GPC5: variants seen among roughly 807,000 people sequenced by gnomAD.
GPC5 encodes the protein glypican 5.
In GPC5, 47 loss-of-function variants were observed where a neutral mutation model predicts 53.9. That is an observed-to-expected ratio of 0.87 (90% confidence interval 0.69 to 1.11). The LOEUF (loss-of-function observed/expected upper bound fraction) is 1.11, where lower values mean the gene tolerates loss of function less well. Among genes scored for constraint, GPC5 ranks in the 50% most tolerant of loss-of-function variants. The pLI, the probability that GPC5 is intolerant of heterozygous loss-of-function variation, is 0.00. For synonymous variants in GPC5, 286 were observed against 263.3 expected (o/e 1.09, Z -0.84); for missense variants, 748 against 713.1 (o/e 1.05, Z -0.56).
At chr13:92,799,486 A>G (rs2138785236) in intron 7 of GPC5, among the ~76,000 whole-genome samples, 1 of 151,940 alleles carries the variant, frequency 6.6e-6, no homozygotes, top group East Asian at 1.9e-4. Context: ...TGCATGTGGC[A>G]TCTGAAAATT....
intron 7 of GPC5, among the ~76,000 whole-genome samples, chr13:92,352,620 A>G (rs2043488596): frequency 6.6e-6 from 1 of 152,188 alleles, no homozygotes; most frequent in Non-Finnish European, 1.5e-5. Context: ...AACATTACTG[A>G]TCATGAAGAT....
chr13:91,860,945 T>C lies in GPC5; in HGVS notation c.1281-46992T>C, dbSNP rs2039021141. Among the ~76,000 whole-genome samples, 3 of 152,230 alleles carry C rather than the reference T, an allele frequency of 2.0e-5. No homozygotes were observed. In the South Asian group the frequency reaches 6.2e-4, roughly 32 times the overall value. ...ACTGTTTTCCTTGATTATTTTATAT[T>C]TTTTCTAAATTATCTTTTGATTTCT... On this transcript the variant is annotated intron_variant, in intron 5 of 7. Transcript: ENST00000377067.
At chr13:92,847,424 T>C (rs945357351) in intron 7 of GPC5, among the ~76,000 whole-genome samples, 1 of 152,070 alleles carries the variant, frequency 6.6e-6, no homozygotes, top group Admixed American at 6.6e-5. Context: ...TGAGAAGTGA[T>C]TACATCATGG....
At chr13:92,718,544 G>T (rs904713736) in intron 7 of GPC5, among the ~76,000 whole-genome samples, 2 of 152,028 alleles carry the variant, frequency 1.3e-5, no homozygotes, top group African/African-American at 4.8e-5. Context: ...TGGTTATCAG[G>T]GGCTGGGAAG....
At chr13:91,947,937 G>T (rs1433564666) in intron 6 of GPC5, among the ~76,000 whole-genome samples, 2 of 152,186 alleles carry the variant, frequency 1.3e-5, no homozygotes, top group East Asian at 1.9e-4. Context: ...GGATCACGAG[G>T]TCGGGAGATT....
intron 3 of GPC5, among the ~76,000 whole-genome samples, chr13:91,698,040 T>C (rs2035919210): frequency 6.6e-6 from 1 of 152,022 alleles, no homozygotes; most frequent in South Asian, 2.1e-4. Flanking sequence ...TAGCTGGAAT[T>C]ACAGGCATGC....
At chr13:91,731,754 T>A (rs541505981) in intron 4 of GPC5, among the ~76,000 whole-genome samples, 16 of 152,298 alleles carry the variant, frequency 1.1e-4, no homozygotes, top group Admixed American at 1.0e-3. Context: ...ATTATTCAGT[T>A]CCCACTTAGG....
chr13:91,705,857 CTTTTTTCTTT>C (rs889350870), intron 3 of GPC5, among the ~76,000 whole-genome samples: 1 of 150,092 alleles, frequency 6.7e-6, no homozygotes, highest in Non-Finnish European at 1.5e-5. Context: ...TTACATGTAA[CTTTTTTCTTT>C]TTTTTTCTTT....
chr13:92,025,435 C>G (rs1295550109), intron 6 of GPC5, among the ~76,000 whole-genome samples: 1 of 152,114 alleles, frequency 6.6e-6, no homozygotes, highest in Non-Finnish European at 1.5e-5. Context: ...GTTTTCTTCC[C>G]TTCACTTCCT....
At chr13:92,420,261 T>C (rs946474791) in intron 7 of GPC5, among the ~76,000 whole-genome samples, 2 of 152,230 alleles carry the variant, frequency 1.3e-5, no homozygotes, top group African/African-American at 4.8e-5. Context: ...ATATACTCAG[T>C]ATCCAGCCTA....
intron 3 of GPC5, among the ~76,000 whole-genome samples, chr13:91,695,334 C>T (rs2035856573): frequency 6.6e-6 from 1 of 152,098 alleles, no homozygotes; most frequent in Non-Finnish European, 1.5e-5. Flanking sequence ...GAAAAATAAG[C>T]ACTTAGATCC....
chr13:92,500,910 G>T (rs9589566), intron 7 of GPC5, among the ~76,000 whole-genome samples: 1 of 152,060 alleles, frequency 6.6e-6, no homozygotes, highest in Non-Finnish European at 1.5e-5. Flanking sequence ...AAACTTCAGG[G>T]GAGATTACAG....
At chr13:92,443,149 T>G (rs1280093986) in intron 7 of GPC5, among the ~76,000 whole-genome samples, 3 of 152,110 alleles carry the variant, frequency 2.0e-5, no homozygotes, top group Non-Finnish European at 4.4e-5. Context: ...TCACATGGTG[T>G]GAGAGCAAGC....
intron 7 of GPC5, among the ~76,000 whole-genome samples, chr13:92,592,045 A>G (rs937522874): frequency 6.6e-5 from 10 of 152,256 alleles, no homozygotes; most frequent in Non-Finnish European, 1.2e-4. Flanking sequence ...GACTGAAGAC[A>G]GGCTTTGAAA....
At chr13:91,471,066 G>A (rs578123342) in intron 2 of GPC5, among the ~76,000 whole-genome samples, 2 of 152,254 alleles carry the variant, frequency 1.3e-5, no homozygotes, top group Admixed American at 6.5e-5. Flanking sequence ...GGAGTATTGT[G>A]ATATTTAATA....
At chr13:92,364,572 T>C (rs546446545) in intron 7 of GPC5, among the ~76,000 whole-genome samples, 66 of 151,378 alleles carry the variant, frequency 4.4e-4, no homozygotes, top group Admixed American at 7.2e-4. Flanking sequence ...CCACTAAAAA[T>C]ACAAAAAATT....
In GPC5 at chr13:91,571,921, T is replaced by TACG. The variant is rs1426983247; in HGVS notation, c.326-121266_326-121265insACG. Among the ~76,000 whole-genome samples, 11 of 108,736 alleles carry TACG rather than the reference T, an allele frequency of 1.0e-4. 1 individual carries two copies. Among genetic ancestry groups the TACG allele is most frequent in the South Asian group, 4.5e-4 (1 of 2,230 alleles). The allele number at this position is 108,736 out of a possible 152,430, so 71.3% of individuals were successfully genotyped here. ...TACACATATTGTATATATACACATA[T>TACG]TGTATATATACACACATGTATATAC... On this transcript the variant is annotated intron_variant, in intron 2 of 7. Coordinates refer to ENST00000377067, the MANE Select transcript of GPC5 (RefSeq NM_004466.6).
Position 91,572,062 on chromosome 13 carries a change from C to CGT in GPC5, c.326-121125_326-121124insGT, listed in dbSNP as rs1293298417. On this transcript the variant is annotated intron_variant, in intron 2 of 7. Coordinates refer to ENST00000377067, the MANE Select transcript of GPC5 (RefSeq NM_004466.6). ...GTATATACACACATATGTATATATACATGTATATACACACATATGTATATG... is the reference window on the plus strand; with the variant it reads ...GTATATACACACATATGTATATATACGTATGTATATACACACATATGTATATG... Among the ~76,000 whole-genome samples, 302 of 126,498 alleles carry CGT rather than the reference C, an allele frequency of 2.4e-3. 39 individuals are homozygous for CGT. The highest frequency in any genetic ancestry group is 0.011 in the African/African-American group (276 of 24,154). The allele number at this position is 126,498 out of a possible 152,430, so 83.0% of individuals were successfully genotyped here.
intron 6 of GPC5, among the ~76,000 whole-genome samples, chr13:91,952,980 A>G (rs2040041304): frequency 6.6e-6 from 1 of 152,316 alleles, no homozygotes; most frequent in East Asian, 1.9e-4. Flanking sequence ...TTAGACAATT[A>G]TTGGCTTAAT....
Sources: allele counts gnomAD v4.1 joint callset (sites outside exome capture counted in the v4.1 genomes callset), GRCh38; gene constraint gnomAD v4.1.1; transcripts MANE v1.5; gene names NCBI Gene and HGNC (gene_info 2026-07-23, HGNC 2026-07-21).